The following DEPTOR variants were observed in gnomAD, a reference collection of about 807,000 sequenced individuals.
The protein encoded by DEPTOR is DEP domain-containing mTOR-interacting protein.
A neutral mutation model predicts 41.6 loss-of-function variants in DEPTOR; 41 were observed. That is an observed-to-expected ratio of 0.98 (90% confidence interval 0.77 to 1.28). DEPTOR has a LOEUF of 1.28. Ranked by LOEUF, DEPTOR falls within the 50% of genes most tolerant of loss-of-function variation. The pLI is 0.00. For missense variants in DEPTOR, 514 were observed against 527.9 expected (o/e 0.97, Z 0.26); for synonymous variants, 195 against 192.3 (o/e 1.01, Z -0.12).
chr8:119,917,534 G>A (rs1044797615), intron 1 of DEPTOR, among the ~76,000 whole-genome samples: 2 of 152,192 alleles, frequency 1.3e-5, no homozygotes, highest in Non-Finnish European at 2.9e-5. Context: ...CAGCAAGCTC[G>A]TTAAGAGTCA....
chr8:119,967,627 G>A (rs907338484), intron 4 of DEPTOR, among the ~76,000 whole-genome samples: 2 of 151,510 alleles, frequency 1.3e-5, no homozygotes, highest in African/African-American at 4.8e-5. Flanking sequence ...GGTGGTGTGT[G>A]CCTGTAGTCT....
chr8:119,970,163 C>T (rs1176423495), intron 4 of DEPTOR, among the ~76,000 whole-genome samples: 1 of 151,960 alleles, frequency 6.6e-6, no homozygotes, highest in East Asian at 1.9e-4. Context: ...GTATGTTGAC[C>T]ACATCTATAC....
intron 4 of DEPTOR, among the ~76,000 whole-genome samples, chr8:119,966,999 T>C (rs1294849808): frequency 6.6e-6 from 1 of 152,190 alleles, no homozygotes; most frequent in Non-Finnish European, 1.5e-5. Context: ...TAGATTCTTT[T>C]TGGCCTCTCT....
At chr8:119,897,961 C>A (rs1210109907) in intron 1 of DEPTOR, among the ~76,000 whole-genome samples, 1 of 152,106 alleles carries the variant, frequency 6.6e-6, no homozygotes, top group African/African-American at 2.4e-5. Flanking sequence ...CAGGAAGTAA[C>A]TTTTTTTCAA....
intron 1 of DEPTOR, among the ~76,000 whole-genome samples, chr8:119,885,901 A>T (rs1827358390): frequency 1.3e-5 from 2 of 151,956 alleles, no homozygotes; most frequent in Admixed American, 1.3e-4. Flanking sequence ...TGTAGACAAT[A>T]ATACACTTTT....
rs1813198175 is a variant in DEPTOR, at chr8:120,049,425, C to T, written c.1102-151C>T. 8.6e-6 allele frequency: 8 copies of T among 935,062 alleles called. No homozygotes were observed. In the South Asian group the frequency reaches 2.8e-4, roughly 33 times the overall value. The allele number at this position is 935,062 out of a possible 1,614,324, so 57.9% of individuals were successfully genotyped here. A position where few individuals can be genotyped will look rare whatever the true frequency, so the allele number is the denominator to read the frequency against. On this transcript the variant is annotated intron_variant, in intron 8 of 8. Transcript: ENST00000286234. ...CTGCCTTCCAGAAAATGTGTAGCTC[C>T]TTGGAAATTATTGAATTGGAGTCGT...
At chr8:119,938,133 C>T (rs770653860) in intron 3 of DEPTOR, among the ~76,000 whole-genome samples, 6 of 152,118 alleles carry the variant, frequency 3.9e-5, no homozygotes, top group South Asian at 2.1e-4. Context: ...TAACAACTAC[C>T]GCAAAATGTA....
chr8:119,874,927 T>C (rs987665294), intron 1 of DEPTOR, among the ~76,000 whole-genome samples: 5 of 152,190 alleles, frequency 3.3e-5, no homozygotes, highest in African/African-American at 1.2e-4. Flanking sequence ...CGCGGGCCCC[T>C]GTTACTTCTA....
At chr8:119,984,658 C>T (rs145932719) in intron 4 of DEPTOR, among the ~76,000 whole-genome samples, 346 of 152,270 alleles carry the variant, frequency 2.3e-3, no homozygotes, top group African/African-American at 7.9e-3. Context: ...TTTCTTTATT[C>T]AGTCTATCAT....
At position 119,978,440 on chromosome 8, in the gene DEPTOR, CAA is replaced by C. The variant is rs1396646353; in HGVS notation, c.604+13032_604+13033del. Among the ~76,000 whole-genome samples the C allele has an allele frequency of 2.6e-5, 4 of 152,128 alleles. No homozygotes were observed. In the South Asian group the frequency reaches 6.2e-4, roughly 24 times the overall value. ...TGATATGCTTCATCTCTCTCCTGGTCAAAGAGTGCTGTGGTATTAAGTTCCAG... is the reference window on the plus strand; with the variant it reads ...TGATATGCTTCATCTCTCTCCTGGTCAGAGTGCTGTGGTATTAAGTTCCAG... On this transcript the variant is annotated intron_variant, in intron 4 of 8. Transcript: ENST00000286234.
At chr8:119,989,077 A>T in intron 4 of DEPTOR, among the ~76,000 whole-genome samples, 1 of 150,828 alleles carries the variant, frequency 6.6e-6, no homozygotes. Context: ...CTAGGATTAC[A>T]TATATGAGCC....
chr8:120,015,446 G>A (rs4871719), intron 8 of DEPTOR, among the ~76,000 whole-genome samples: 49,340 of 152,132 alleles, frequency 0.32, 9,850 homozygotes, highest in East Asian at 0.59. Context: ...CATTTGTTTG[G>A]GAAGTCCAAG....
chr8:119,927,580 T>C (rs1327576595), intron 1 of DEPTOR, among the ~76,000 whole-genome samples: 4 of 147,320 alleles, frequency 2.7e-5, no homozygotes, highest in South Asian at 2.1e-4. Flanking sequence ...CATATATATA[T>C]ACATATATAT....
At chr8:119,877,319 C>T (rs116783603) in intron 1 of DEPTOR, among the ~76,000 whole-genome samples, 1 of 152,256 alleles carries the variant, frequency 6.6e-6, no homozygotes, top group Non-Finnish European at 1.5e-5. Flanking sequence ...AAATGAATAT[C>T]GTAAGTATTC....
intron 4 of DEPTOR, among the ~76,000 whole-genome samples, chr8:119,997,221 A>T (rs968699946): frequency 2.6e-5 from 4 of 152,162 alleles, no homozygotes; most frequent in Non-Finnish European, 5.9e-5. Flanking sequence ...CAGGGATTAC[A>T]TGCATGAGCA....
chr8:119,902,120 A>T (rs1048972556), intron 1 of DEPTOR, among the ~76,000 whole-genome samples: 3 of 152,152 alleles, frequency 2.0e-5, no homozygotes, highest in Non-Finnish European at 4.4e-5. Context: ...CTGAGTGATT[A>T]TGTTGATTCC....
intron 8 of DEPTOR, among the ~76,000 whole-genome samples, chr8:120,019,584 G>A (rs1808166502): frequency 6.6e-6 from 1 of 152,114 alleles, no homozygotes; most frequent in South Asian, 2.1e-4. Context: ...CTTTCTCTGG[G>A]CTTCCTTCTC....
chr8:120,023,595 T>A (rs936002990), intron 8 of DEPTOR, among the ~76,000 whole-genome samples: 3 of 152,188 alleles, frequency 2.0e-5, no homozygotes, highest in African/African-American at 7.2e-5. Context: ...TTACTATATC[T>A]GCTGGGATGT....
At chr8:119,910,942 G>GTT (rs1563963325) in intron 1 of DEPTOR, among the ~76,000 whole-genome samples, 1 of 151,712 alleles carries the variant, frequency 6.6e-6, no homozygotes, top group East Asian at 1.9e-4. Context: ...TTCCTAGAGG[G>GTT]GTGTGTGTGT....
Sources: gnomAD v4.1 joint callset for allele counts (sites outside exome capture counted in the v4.1 genomes callset) on GRCh38, gnomAD v4.1.1 for gene constraint, MANE v1.5 for transcripts, NCBI Gene and HGNC (gene_info 2026-07-23, HGNC 2026-07-21) for gene names.